The following CNTN4 variants were observed in gnomAD, a reference collection of about 807,000 sequenced individuals.
CNTN4 encodes contactin-4.
Under a neutral mutation model 122.5 loss-of-function variants are expected in CNTN4, and 77 were observed. The ratio of observed to expected loss-of-function variants is 0.63; its 90% confidence interval spans 0.52 to 0.76. The LOEUF (loss-of-function observed/expected upper bound fraction) is 0.76. Ranked by LOEUF, CNTN4 falls within the 30% of genes least tolerant of loss-of-function variation. The pLI is 0.00. For synonymous variants in CNTN4, 512 were observed against 447.0 expected, an observed-to-expected ratio of 1.15 and a Z score of -1.83; for missense variants, 1,256 against 1,259.1, an observed-to-expected ratio of 1.00 and a Z score of 0.04.
intron 6 of CNTN4, among the ~76,000 whole-genome samples, chr3:2,771,567 T>C (rs1026952572): frequency 6.6e-6 from 1 of 152,160 alleles, no homozygotes; most frequent in Non-Finnish European, 1.5e-5. Context: ...CAATGGCCAT[T>C]TTAAGGACCA....
rs67229453 is a variant in CNTN4 at position 3,019,765 on chromosome 3, AATATATATATATATAT to A, written c.1487-6319_1487-6304del. Among the ~76,000 whole-genome samples, 69 of 138,026 alleles carry A rather than the reference AATATATATATATATAT, an allele frequency of 5.0e-4. 1 individual carries two copies. The highest frequency in any genetic ancestry group is 1.5e-3 in the African/African-American group (55 of 36,710). 90.6% of individuals were successfully genotyped at this position (138,026 alleles called of 152,430 possible). ...GAAGGGGTGTGTGTGTGTGTACACA[AATATATATATATATAT>A]ATATATATATATATATACACATGCA... is the stretch of plus-strand genomic sequence containing the variant. On this transcript the variant is annotated intron_variant, in intron 14 of 24. Coordinates refer to ENST00000418658, the MANE Select transcript of CNTN4 (RefSeq NM_175607.3).
intron 7 of CNTN4, among the ~76,000 whole-genome samples, chr3:2,826,092 G>A (rs1018394294): frequency 1.3e-5 from 2 of 152,088 alleles, no homozygotes; most frequent in African/African-American, 4.8e-5. Flanking sequence ...GATTATGGAG[G>A]GCACACTCTA....
At chr3:3,046,123 CTA>C (rs1292368969) in intron 23 of CNTN4, among the ~76,000 whole-genome samples, 3 of 152,148 alleles carry the variant, frequency 2.0e-5, no homozygotes, top group Non-Finnish European at 4.4e-5. Flanking sequence ...AAATAAGGGA[CTA>C]TGTGAAAAGA....
intron 7 of CNTN4, among the ~76,000 whole-genome samples, chr3:2,845,444 AAAGAT>A (rs1359194396): frequency 5.3e-5 from 8 of 152,056 alleles, no homozygotes; most frequent in African/African-American, 1.7e-4. Context: ...ATTAGTAAAT[AAAGAT>A]AAGTTATATA....
chr3:2,188,893 C>T (rs1431324437), intron 2 of CNTN4, among the ~76,000 whole-genome samples: 2 of 152,226 alleles, frequency 1.3e-5, no homozygotes, highest in Admixed American at 6.5e-5. Context: ...ACTCCCTGTG[C>T]CCTCCCAGGA....
At position 2,842,707 on chromosome 3, in the gene CNTN4, T is replaced by C. The variant is rs149488718; in HGVS notation, c.454+23126T>C. Among the ~76,000 whole-genome samples, 15 of 152,348 alleles carry C rather than the reference T, an allele frequency of 9.8e-5. No individual in the cohort carries two copies. In the East Asian group the frequency reaches 2.9e-3, roughly 29 times the overall value. The stretch of plus-strand genomic sequence containing the variant: ...ACTAAAGCTGATGATAAATTCTTAG[T>C]TCTCACAGTATTTGACCTATCAGCA... On this transcript the variant is annotated intron_variant, in intron 7 of 24. Transcript: ENST00000418658.
chr3:3,029,819 A>G (rs1699019808), intron 15 of CNTN4, among the ~76,000 whole-genome samples: 1 of 152,228 alleles, frequency 6.6e-6, no homozygotes. Flanking sequence ...GTGAGTATTT[A>G]GTGAGTTTAA....
intron 2 of CNTN4, among the ~76,000 whole-genome samples, chr3:2,157,264 A>G (rs986307564): frequency 6.6e-6 from 1 of 152,206 alleles, no homozygotes; most frequent in Non-Finnish European, 1.5e-5. Flanking sequence ...TTGATGAGTG[A>G]TGGCTTCTTA....
chr3:2,945,568 T>C (rs2094667647), intron 13 of CNTN4, among the ~76,000 whole-genome samples: 1 of 152,178 alleles, frequency 6.6e-6, no homozygotes, highest in African/African-American at 2.4e-5. Context: ...GCTTACTTTT[T>C]GTCAAAGATT....
intron 7 of CNTN4, among the ~76,000 whole-genome samples, chr3:2,824,408 G>T (rs1392830935): frequency 2.0e-5 from 3 of 151,936 alleles, no homozygotes; most frequent in African/African-American, 4.8e-5. Flanking sequence ...GGTGAGTGGA[G>T]ATCGCGCCAC....
chr3:2,365,264 CG>C (rs1376509727), intron 3 of CNTN4, among the ~76,000 whole-genome samples: 1 of 152,144 alleles, frequency 6.6e-6, no homozygotes, highest in Non-Finnish European at 1.5e-5. Context: ...GTAGTTCCTA[CG>C]TTTAACCTGC....
At chr3:2,459,152 G>A (rs1044047897) in intron 3 of CNTN4, among the ~76,000 whole-genome samples, 1 of 152,098 alleles carries the variant, frequency 6.6e-6, no homozygotes, top group Non-Finnish European at 1.5e-5. Flanking sequence ...CCTAAATGAT[G>A]ATCTGCCCCA....
intron 4 of CNTN4, among the ~76,000 whole-genome samples, chr3:2,625,472 A>G (rs2082148678): frequency 6.6e-6 from 1 of 152,212 alleles, no homozygotes; most frequent in African/African-American, 2.4e-5. Context: ...CTCCTCTGTG[A>G]TACCAGTCTC....
intron 7 of CNTN4, among the ~76,000 whole-genome samples, chr3:2,838,917 C>T (rs2093291505): frequency 6.6e-6 from 1 of 151,976 alleles, no homozygotes; most frequent in Admixed American, 6.6e-5. Context: ...AGAGAGACAG[C>T]CAGAGAAAAG....
At chr3:2,751,170 T>C (rs1201080973) in intron 6 of CNTN4, among the ~76,000 whole-genome samples, 1 of 151,116 alleles carries the variant, frequency 6.6e-6, no homozygotes, top group East Asian at 1.9e-4. Flanking sequence ...TAGCCAGGCA[T>C]GGTGGCGGGC....
intron 13 of CNTN4, among the ~76,000 whole-genome samples, chr3:2,955,648 G>C (rs1427587177): frequency 6.6e-6 from 1 of 152,172 alleles, no homozygotes; most frequent in African/African-American, 2.4e-5. Context: ...ATTAATTTAA[G>C]CCTGGGCCCT....
chr3:2,738,461 C>G (rs1487474356), intron 5 of CNTN4, among the ~76,000 whole-genome samples: 2 of 152,074 alleles, frequency 1.3e-5, no homozygotes, highest in African/African-American at 4.8e-5. Context: ...CAGACCCTCA[C>G]TAAAGGAAAT....
chr3:3,041,748 G>A (rs1700184006), intron 20 of CNTN4, among the ~76,000 whole-genome samples: 1 of 152,172 alleles, frequency 6.6e-6, no homozygotes, highest in Non-Finnish European at 1.5e-5. Flanking sequence ...GATAGCATGA[G>A]CCTAGGAGTT....
intron 7 of CNTN4, among the ~76,000 whole-genome samples, chr3:2,859,330 A>G (rs1559589622): frequency 6.6e-6 from 1 of 152,166 alleles, no homozygotes; most frequent in East Asian, 1.9e-4. Flanking sequence ...AGTTGATTCC[A>G]TATCTTGGCT....
Sources: allele counts gnomAD v4.1 joint callset (sites outside exome capture counted in the v4.1 genomes callset), GRCh38; gene constraint gnomAD v4.1.1; transcripts MANE v1.5; gene names NCBI Gene and HGNC (gene_info 2026-07-23, HGNC 2026-07-21).